ZFYVE28: variants seen among roughly 807,000 people sequenced by gnomAD.
The protein encoded by ZFYVE28 is lateral signaling target protein 2 homolog.
Under a neutral mutation model 82.1 loss-of-function variants are expected in ZFYVE28, and 40 were observed. That is an observed-to-expected ratio of 0.49 (90% confidence interval 0.38 to 0.63). ZFYVE28 has a LOEUF of 0.63. Ranked by LOEUF, ZFYVE28 falls within the 30% of genes least tolerant of loss-of-function variation. The probability of loss-of-function intolerance (pLI) is 0.00; values close to 1 mark genes in which losing one functional copy is unlikely to be tolerated. For synonymous variants in ZFYVE28, 612 were observed against 546.1 expected (o/e 1.12, Z -1.68); for missense variants, 1,321 against 1,242.1 (o/e 1.06, Z -0.96).
intron 7 of ZFYVE28, among the ~76,000 whole-genome samples, chr4:2,313,871 C>G (rs906167799): frequency 6.3e-5 from 9 of 142,044 alleles, no homozygotes; most frequent in African/African-American, 2.4e-4. Context: ...AAAAAAAGAA[C>G]GTGAATTCTG....
rs773756682 is a variant in ZFYVE28, at chr4:2,393,739, G to A, written c.39+24546C>T. Among the ~76,000 whole-genome samples, 143 of 152,280 alleles carry A rather than the reference G, an allele frequency of 9.4e-4. 2 individuals are homozygous for A. The highest frequency in any genetic ancestry group is 3.4e-3 in the Middle Eastern group (1 of 294). On this transcript the variant is annotated intron_variant, in intron 1 of 12. Coordinates refer to ENST00000290974, the MANE Select transcript of ZFYVE28 (RefSeq NM_020972.3). ...TGCCGCTGCCCCTCCTCCCGTAACT[G>A]GACACCCCCAGTTCACTCGGCCACA...
chr4:2,405,436 C>T (rs1731772009), intron 1 of ZFYVE28, among the ~76,000 whole-genome samples: 1 of 152,268 alleles, frequency 6.6e-6, no homozygotes, highest in South Asian at 2.1e-4. Flanking sequence ...GGCTGCAGAT[C>T]GACTGTGCTG....
rs764626382 is a variant in ZFYVE28, at chr4:2,304,891, G to C, written c.1449C>G (p.Asp483Glu). ...CCCAGCCGTCCAGGTGCAGCCGCGA[G>C]TCCAGGCAGCTGCAGGAGCTGGTGC... is the stretch of plus-strand genomic sequence containing the variant. Reference protein sequence around the residue: ...LAGTSSCSCLDSRLHLDGWEV... With the variant: ...LAGTSSCSCLESRLHLDGWEV... The change falls in exon 8 of 13, where the codon GAC (aspartate) becomes GAG (glutamate). Residue 483 changes from aspartate (D) to glutamate (E), a missense_variant. Coordinates refer to ENST00000290974, the MANE Select transcript of ZFYVE28 (RefSeq NM_020972.3). 1 of 1,612,622 alleles carries C rather than the reference G, an allele frequency of 6.2e-7. No homozygotes were observed. Among genetic ancestry groups the C allele is most frequent in the African/African-American group, 1.3e-5 (1 of 74,942 alleles).
rs1450291927 is a variant in ZFYVE28, at chr4:2,339,716, C to T, written c.319-61G>A. 6.9e-5 allele frequency: 103 copies of T among 1,492,600 alleles called. No individual in the cohort carries two copies. In the East Asian group the frequency reaches 7.4e-4, roughly 11 times the overall value. 92.5% of individuals were successfully genotyped at this position (1,492,600 alleles called of 1,614,324 possible). ...TGAGGGCCAGGCTCTCAGGGGTCGC[C>T]GACCCGGGGAACCTGACTGCGCACC... On this transcript the variant is annotated intron_variant, in intron 3 of 12. Transcript: ENST00000290974. The surrounding 1 kb of genome is among the most constrained non-coding windows in gnomAD (Gnocchi z 5.0).
chr4:2,317,886 G>T (rs1718462023), intron 7 of ZFYVE28, among the ~76,000 whole-genome samples: 1 of 152,160 alleles, frequency 6.6e-6, no homozygotes, highest in Non-Finnish European at 1.5e-5. Context: ...ATCCGCCTGG[G>T]CCTCCCAAGG....
At position 2,341,236 on chromosome 4, in the gene ZFYVE28, A is replaced by T. The variant is rs957316693; in HGVS notation, c.318+242T>A. On this transcript the variant is annotated intron_variant, in intron 3 of 12. Coordinates refer to ENST00000290974, the MANE Select transcript of ZFYVE28 (RefSeq NM_020972.3). The surrounding 1 kb of genome is among the most constrained non-coding windows in gnomAD (Gnocchi z 4.5). ...CTGGGGGCCTGTGAACCTCATAAAA[A>T]CCACATGGGAAATTTCATTTGTATG... 1.7e-5 allele frequency: 10 copies of T among 590,606 alleles called. No individual in the cohort carries two copies. The highest frequency in any genetic ancestry group is 3.0e-5 in the Non-Finnish European group (10 of 338,650). 36.6% of individuals were successfully genotyped at this position (590,606 alleles called of 1,614,324 possible). A position where few individuals can be genotyped will look rare whatever the true frequency, so the allele number is the denominator to read the frequency against.
At chr4:2,360,049 T>C (rs1464184773) in intron 1 of ZFYVE28, among the ~76,000 whole-genome samples, 2 of 151,484 alleles carry the variant, frequency 1.3e-5, no homozygotes, top group African/African-American at 4.9e-5. Context: ...GCGAGGCCAT[T>C]TGTGGTTCTC....
Position 2,305,926 on chromosome 4 carries a change from T to C in ZFYVE28, c.804-390A>G, listed in dbSNP as rs191081803. On this transcript the variant is annotated intron_variant, in intron 7 of 12. Transcript: ENST00000290974. ...TCATCCTTTCATTCCACAAATACCATTGGGCACTGGCTATGCAGCAGGAGC... is the reference window on the plus strand; with the variant it reads ...TCATCCTTTCATTCCACAAATACCACTGGGCACTGGCTATGCAGCAGGAGC... 3.3e-3 allele frequency among the ~76,000 whole-genome samples: 502 copies of C among 152,360 alleles called. 2 individuals are homozygous for C. Among genetic ancestry groups the C allele is most frequent in the African/African-American group, 0.011 (469 of 41,590 alleles).
intron 2 of ZFYVE28, among the ~76,000 whole-genome samples, chr4:2,344,766 A>C (rs1723282089): frequency 6.6e-6 from 1 of 152,058 alleles, no homozygotes; most frequent in Non-Finnish European, 1.5e-5. Flanking sequence ...TGTGGTGGCG[A>C]ATGCCTATAA....
intron 8 of ZFYVE28, chr4:2,285,379 T>G (rs1202722920): frequency 6.6e-6 from 1 of 152,262 alleles, no homozygotes; most frequent in African/African-American, 2.4e-5. Context: ...CCGGGGGAAC[T>G]AACACGTGGC....
chr4:2,273,574 C>A (rs1736113889), intron 9 of ZFYVE28, among the ~76,000 whole-genome samples: 1 of 152,196 alleles, frequency 6.6e-6, no homozygotes, highest in Admixed American at 6.5e-5. Flanking sequence ...CAGGTCACAG[C>A]CATCACCACT....
chr4:2,350,094 T>G (rs1056380734), intron 2 of ZFYVE28, among the ~76,000 whole-genome samples: 8 of 150,324 alleles, frequency 5.3e-5, no homozygotes, highest in African/African-American at 1.7e-4. Context: ...AAGGAAGAAG[T>G]GAAGATTATC....
rs920401642 is a variant in ZFYVE28 at position 2,362,437 on chromosome 4, C to T, written c.40-8364G>A. 6.6e-6 allele frequency among the ~76,000 whole-genome samples: 1 copy of T among 152,126 alleles called. No individual in the cohort carries two copies. The highest frequency in any genetic ancestry group is 1.5e-5 in the Non-Finnish European group (1 of 68,006). On this transcript the variant is annotated intron_variant, in intron 1 of 12. Coordinates refer to ENST00000290974, the MANE Select transcript of ZFYVE28 (RefSeq NM_020972.3). The surrounding 1 kb of genome is among the most constrained non-coding windows in gnomAD (Gnocchi z 5.1). ...GCCCTCACCATGACCAACTAATGGC[C>T]GAGCAAGCCCCTCCACCCCTCCACC... is the stretch of plus-strand genomic sequence containing the variant.
chr4:2,310,407 G>A (rs1717314382), intron 7 of ZFYVE28, among the ~76,000 whole-genome samples: 1 of 152,138 alleles, frequency 6.6e-6, no homozygotes, highest in Non-Finnish European at 1.5e-5. Flanking sequence ...ATCTTTTTAA[G>A]GGTATTTGCA....
rs780888851 is a variant in ZFYVE28, at chr4:2,270,833, C to T, written c.2556G>A (p.Ser852=). The T allele has an allele frequency of 1.2e-4, 190 of 1,612,768 alleles. No individual in the cohort carries two copies. Among genetic ancestry groups the T allele is most frequent in the Admixed American group, 8.7e-4 (52 of 59,992 alleles). Reference sequence around the variant, plus strand: ...CGTAGCGGGGCAGCGGTGCTGAGTGCGAGGAGCAGCGCGAGCAGAAGATCT... The same window carrying T: ...CGTAGCGGGGCAGCGGTGCTGAGTGTGAGGAGCAGCGCGAGCAGAAGATCT... ...CGKIFCSRCS[S]HSAPLPRYGQ... The change falls in exon 13 of 13, where the codon TCG becomes TCA. Residue 852 remains serine, a synonymous_variant. Coordinates refer to ENST00000290974, the MANE Select transcript of ZFYVE28 (RefSeq NM_020972.3).
intron 8 of ZFYVE28, among the ~76,000 whole-genome samples, chr4:2,278,332 C>T (rs551091236): frequency 1.3e-5 from 2 of 151,186 alleles, no homozygotes; most frequent in East Asian, 3.9e-4. Flanking sequence ...GGACCACAGG[C>T]GTGCACCACA....
At chr4:2,333,200 TCC>T (rs1720999158) in intron 6 of ZFYVE28, among the ~76,000 whole-genome samples, 2 of 90,488 alleles carry the variant, frequency 2.2e-5, no homozygotes, top group African/African-American at 9.7e-5. Context: ...AGCACTGGCC[TCC>T]CCTGCTGCCC....
chr4:2,292,112 G>T (rs1046795743), intron 8 of ZFYVE28, among the ~76,000 whole-genome samples: 1 of 152,204 alleles, frequency 6.6e-6, no homozygotes, highest in Non-Finnish European at 1.5e-5. Flanking sequence ...GGGGCTGGGA[G>T]GACACCATGC....
Position 2,339,522 on chromosome 4 carries a change from T to A in ZFYVE28, c.452A>T (p.Asn151Ile). The change falls in exon 4 of 13, where the codon AAC (asparagine) becomes ATC (isoleucine). Residue 151 changes from asparagine to isoleucine, a missense_variant. Asn to Ile is a moderately radical substitution (Grantham distance 149). Coordinates refer to ENST00000290974, the MANE Select transcript of ZFYVE28 (RefSeq NM_020972.3). The surrounding 1 kb of genome is among the most constrained non-coding windows in gnomAD (Gnocchi z 5.0). ...ALRDQALRDL[N>I]TYTEKMREAL... ...TTCCCTCATCTTCTCTGTGTAGGTG[T>A]TCAGGTCCCGCAGCGCCTGGTCACG... 2 of 1,613,936 alleles carry A rather than the reference T, an allele frequency of 1.2e-6. No individual in the cohort carries two copies. The highest frequency in any genetic ancestry group is 1.7e-6 in the Non-Finnish European group (2 of 1,179,972).
Sources: allele counts gnomAD v4.1 joint callset (sites outside exome capture counted in the v4.1 genomes callset), GRCh38; gene constraint gnomAD v4.1.1; non-coding constraint Gnocchi (gnomAD v3.1); transcripts MANE v1.5; gene names NCBI Gene and HGNC (gene_info 2026-07-23, HGNC 2026-07-21).